Variants in SHISA9 observed in about 807,000 individuals in gnomAD.
SHISA9 encodes the protein shisa family member 9.
A neutral mutation model predicts 38.0 loss-of-function variants in SHISA9; 13 were observed. The ratio of observed to expected loss-of-function variants is 0.34; its 90% CI spans 0.22 to 0.54. The LOEUF is 0.54. Among genes scored for constraint, SHISA9 ranks in the 20% least tolerant of loss-of-function variants. The pLI is 0.91. For missense variants in SHISA9, 538 were observed against 575.8 expected (o/e 0.93, Z 0.67); for synonymous variants, 275 against 242.0 (o/e 1.14, Z -1.27).
intron 1 of SHISA9, chr16:12,910,241 T>A (rs779900018): frequency 1.9e-5 from 3 of 156,912 alleles, no homozygotes; most frequent in Non-Finnish European, 4.1e-5. Context: ...AGTTCAGTAT[T>A]TGGCAAGTAA....
chr16:13,380,537 C>T, the SHISA9 span, among the ~76,000 whole-genome samples: 901 of 152,230 alleles, frequency 5.9e-3, 14 homozygotes, highest in African/African-American at 0.021. Flanking sequence ...AACTATCGAT[C>T]AAGTATAAAG....
At chr16:13,527,291 G>A in the SHISA9 span, among the ~76,000 whole-genome samples, 62 of 152,320 alleles carry the variant, frequency 4.1e-4, no homozygotes, top group African/African-American at 1.5e-3. Context: ...CGTTTTTGGA[G>A]AACGCCTCCC....
At chr16:13,416,769 AGGAAGGGAAGGAAGGAAGGAAG>A in the SHISA9 span, among the ~76,000 whole-genome samples, 5 of 108,030 alleles carry the variant, frequency 4.6e-5, no homozygotes, top group Non-Finnish European at 9.8e-5. Context: ...GAAGGAAGGA[AGGAAGGGAAGGAAGGAAGGAAG>A]GGAAGGAAGG....
the SHISA9 span, among the ~76,000 whole-genome samples, chr16:13,253,611 G>A: frequency 6.6e-6 from 1 of 152,130 alleles, no homozygotes; most frequent in Non-Finnish European, 1.5e-5. Flanking sequence ...CAGATCTCGT[G>A]AGACTTATTC....
chr16:13,367,411 C>G, the SHISA9 span, among the ~76,000 whole-genome samples: 1 of 150,438 alleles, frequency 6.6e-6, no homozygotes, highest in African/African-American at 2.5e-5. Flanking sequence ...TAGACATGAT[C>G]CCAATTAATC....
chr16:13,024,844 G>T (rs375506591), intron 2 of SHISA9, among the ~76,000 whole-genome samples: 1 of 152,070 alleles, frequency 6.6e-6, no homozygotes, highest in African/African-American at 2.4e-5. Flanking sequence ...ACTTCCTGAC[G>T]CCTGGTTAGC....
intron 2 of SHISA9, among the ~76,000 whole-genome samples, chr16:13,052,644 A>G (rs2073265694): frequency 6.6e-6 from 1 of 152,216 alleles, no homozygotes; most frequent in Admixed American, 6.5e-5. Flanking sequence ...AGAAATCCAT[A>G]TGGCTCCAAG....
chr16:13,246,102 C>T, the SHISA9 span, among the ~76,000 whole-genome samples: 2 of 152,034 alleles, frequency 1.3e-5, no homozygotes, highest in Non-Finnish European at 2.9e-5. Flanking sequence ...CACATAAAAC[C>T]AAAATAAGTC....
the SHISA9 span, among the ~76,000 whole-genome samples, chr16:13,284,248 T>C: frequency 6.6e-6 from 1 of 152,170 alleles, no homozygotes; most frequent in African/African-American, 2.4e-5. Context: ...TCCTCTTTCA[T>C]GAATCACAAT....
the SHISA9 span, among the ~76,000 whole-genome samples, chr16:13,258,999 C>T: frequency 6.6e-6 from 1 of 152,160 alleles, no homozygotes; most frequent in African/African-American, 2.4e-5. Flanking sequence ...TTCATTTCAG[C>T]ATTAACCTAA....
intron 2 of SHISA9, among the ~76,000 whole-genome samples, chr16:13,011,742 C>T (rs549007495): frequency 6.6e-5 from 10 of 152,122 alleles, no homozygotes; most frequent in East Asian, 5.8e-4. Context: ...AGGATGGTGT[C>T]GATCCCTTGA....
At chr16:13,217,146 C>T (rs938178037) in intron 4 of SHISA9, among the ~76,000 whole-genome samples, 9 of 150,852 alleles carry the variant, frequency 6.0e-5, no homozygotes, top group African/African-American at 9.8e-5. Context: ...GGAGTGGTGG[C>T]GGGCACCTGT....
At chr16:13,131,606 G>GTA (rs1292454190) in intron 2 of SHISA9, among the ~76,000 whole-genome samples, 1 of 151,646 alleles carries the variant, frequency 6.6e-6, no homozygotes, top group Non-Finnish European at 1.5e-5. Context: ...TCCTACACAT[G>GTA]TACCCTAGAG....
chr16:13,192,481 C>T (rs2050894718), intron 2 of SHISA9, among the ~76,000 whole-genome samples: 1 of 151,982 alleles, frequency 6.6e-6, no homozygotes, highest in South Asian at 2.1e-4. Flanking sequence ...ACACCATAGA[C>T]ACTAAAATAT....
chr16:13,150,126 A>T (rs1319427347), intron 2 of SHISA9, among the ~76,000 whole-genome samples: 2 of 148,404 alleles, frequency 1.3e-5, no homozygotes, highest in African/African-American at 2.5e-5. Context: ...AGGAGGCCCC[A>T]TTCTTTTCCT....
At chr16:13,451,213 A>T in the SHISA9 span, among the ~76,000 whole-genome samples, 25 of 152,176 alleles carry the variant, frequency 1.6e-4, no homozygotes, top group East Asian at 4.9e-3. Context: ...CCCCGGGAGG[A>T]TTATTCTCCA....
intron 2 of SHISA9, among the ~76,000 whole-genome samples, chr16:13,008,719 C>G (rs1012907988): frequency 1.4e-5 from 2 of 141,436 alleles, no homozygotes; most frequent in South Asian, 2.5e-4. Context: ...TAAGATATGC[C>G]TTGCTTCCCC....
chr16:13,433,561 A>G, the SHISA9 span, among the ~76,000 whole-genome samples: 1 of 152,320 alleles, frequency 6.6e-6, no homozygotes, highest in Admixed American at 6.5e-5. Flanking sequence ...ATACAGAGCA[A>G]GTAATGGTTA....
At chr16:13,160,200 G>A (rs994493144) in intron 2 of SHISA9, among the ~76,000 whole-genome samples, 9 of 152,152 alleles carry the variant, frequency 5.9e-5, no homozygotes, top group Non-Finnish European at 1.3e-4. Context: ...TGAGGCAGGC[G>A]TGAGCTGGTG....
Sources: gnomAD v4.1 joint callset for allele counts (sites outside exome capture counted in the v4.1 genomes callset) on GRCh38, gnomAD v4.1.1 for gene constraint, MANE v1.5 for transcripts, NCBI Gene and HGNC (gene_info 2026-07-23, HGNC 2026-07-21) for gene names.